The following EYS variants were observed in gnomAD, a reference collection of about 807,000 sequenced individuals.
EYS encodes the protein protein eyes shut homolog.
EYS carries 250 observed loss-of-function variants against 282.1 expected under a neutral mutation model. The observed-to-expected ratio is 0.89, with a 90% CI of 0.80 to 0.98. EYS has a LOEUF of 0.98. Among genes scored for constraint, EYS ranks in the 50% least tolerant of loss-of-function variants. The pLI, the probability that EYS is intolerant of heterozygous loss-of-function variation, is 0.00. For missense variants in EYS, 4,016 were observed against 3,709.0 expected (o/e 1.08, Z -2.15); for synonymous variants, 1,355 against 1,282.9 (o/e 1.06, Z -1.20).
At chr6:64,987,639 T>G (rs1262106953) in intron 14 of EYS, among the ~76,000 whole-genome samples, 1 of 151,468 alleles carries the variant, frequency 6.6e-6, no homozygotes, top group African/African-American at 2.4e-5. Flanking sequence ...GCATGACTTG[T>G]GCTGTATATT....
intron 11 of EYS, chr6:65,334,766 TTCCC>T: frequency 1.9e-6 from 1 of 526,690 alleles, no homozygotes; most frequent in Non-Finnish European, 3.3e-6. Flanking sequence ...ATATTCCTTC[TTCCC>T]TCCTTTTATT....
At chr6:65,390,534 G>A (rs2102194) in intron 7 of EYS, among the ~76,000 whole-genome samples, 2 of 151,506 alleles carry the variant, frequency 1.3e-5, no homozygotes, top group South Asian at 4.2e-4. Context: ...CAACTCAGAA[G>A]GCTACAAGAA....
chr6:65,631,980 A>C (rs368138229), intron 2 of EYS, among the ~76,000 whole-genome samples: 1 of 152,258 alleles, frequency 6.6e-6, no homozygotes, highest in East Asian at 1.9e-4. Context: ...AACTTCTCCT[A>C]CTTTATATAT....
chr6:64,386,298 T>A (rs1375140278), intron 29 of EYS, among the ~76,000 whole-genome samples: 1 of 152,188 alleles, frequency 6.6e-6, no homozygotes, highest in Non-Finnish European at 1.5e-5. Context: ...GGGTAATTGA[T>A]AAAGGAAAGA....
At chr6:64,712,571 T>G (rs1395609935) in intron 22 of EYS, among the ~76,000 whole-genome samples, 1 of 152,222 alleles carries the variant, frequency 6.6e-6, no homozygotes, top group Non-Finnish European at 1.5e-5. Flanking sequence ...GAGGAATTAA[T>G]GTTCTGGAAG....
intron 26 of EYS, among the ~76,000 whole-genome samples, chr6:64,482,158 G>C (rs1776454712): frequency 6.6e-6 from 1 of 151,516 alleles, no homozygotes. Flanking sequence ...AAAATAAATT[G>C]CTTTTTTTCT....
chr6:65,164,811 T>C (rs1764933745), intron 12 of EYS, among the ~76,000 whole-genome samples: 1 of 151,258 alleles, frequency 6.6e-6, no homozygotes, highest in Admixed American at 6.6e-5. Flanking sequence ...GCAATATTCA[T>C]CACTCATTGA....
intron 30 of EYS, among the ~76,000 whole-genome samples, chr6:64,297,028 A>G (rs1339366343): frequency 6.6e-6 from 1 of 152,200 alleles, no homozygotes; most frequent in Admixed American, 6.5e-5. Context: ...TTAAAACAGT[A>G]GCATGCACAC....
chr6:64,526,385 G>A (rs994114932), intron 26 of EYS, among the ~76,000 whole-genome samples: 4 of 151,770 alleles, frequency 2.6e-5, no homozygotes, highest in Non-Finnish European at 3.0e-5. Flanking sequence ...TTACAATTGT[G>A]TGTGAATCAC....
intron 12 of EYS, among the ~76,000 whole-genome samples, chr6:65,119,630 C>CTT (rs3036008): frequency 0.2 from 27,000 of 135,178 alleles, 3,102 homozygotes; most frequent in South Asian, 0.26. Flanking sequence ...GCCTTTTTAT[C>CTT]TTTTTTTTTT....
chr6:64,394,496 T>A (rs1010700676), intron 28 of EYS, among the ~76,000 whole-genome samples: 7 of 152,182 alleles, frequency 4.6e-5, no homozygotes, highest in Non-Finnish European at 1.0e-4. Context: ...AACTATCTGA[T>A]CTTTGACAAA....
chr6:64,820,839 T>C (rs538588168), intron 21 of EYS, among the ~76,000 whole-genome samples: 2 of 152,236 alleles, frequency 1.3e-5, no homozygotes, highest in Non-Finnish European at 2.9e-5. Flanking sequence ...AGTTACTGTG[T>C]TTCATGTACA....
At chr6:65,053,155 G>A (rs16896178) in intron 13 of EYS, among the ~76,000 whole-genome samples, 14,059 of 151,342 alleles carry the variant, frequency 0.093, 940 homozygotes, top group East Asian at 0.19. Flanking sequence ...TTCCCTTTTC[G>A]GACAAATACC....
intron 1 of EYS, among the ~76,000 whole-genome samples, chr6:65,676,836 C>T (rs1295038185): frequency 1.3e-5 from 2 of 151,478 alleles, no homozygotes; most frequent in East Asian, 3.9e-4. Context: ...TCAGTAGTAT[C>T]TTAATAGAAT....
chr6:64,673,762 C>T (rs890723098), intron 22 of EYS, among the ~76,000 whole-genome samples: 4 of 152,050 alleles, frequency 2.6e-5, no homozygotes, highest in African/African-American at 9.7e-5. Flanking sequence ...ACAGTACCTA[C>T]AGACAACTAA....
chr6:64,115,232 T>A (rs1773337678), intron 31 of EYS, among the ~76,000 whole-genome samples: 1 of 152,168 alleles, frequency 6.6e-6, no homozygotes, highest in Non-Finnish European at 1.5e-5. Context: ...CTGTGCTTCA[T>A]GCACCAATGC....
intron 12 of EYS, among the ~76,000 whole-genome samples, chr6:65,100,832 G>C (rs143576718): frequency 0.022 from 3,287 of 150,722 alleles, 39 homozygotes; most frequent in African/African-American, 0.028. Context: ...ATACATGAAA[G>C]CTGACAAGAG....
intron 12 of EYS, among the ~76,000 whole-genome samples, chr6:65,177,369 T>C (rs1235378384): frequency 1.3e-5 from 2 of 151,846 alleles, no homozygotes; most frequent in East Asian, 3.9e-4. Flanking sequence ...CGAAATAAAA[T>C]GGGCATTATG....
chr6:65,656,464 G>T (rs1172378992), intron 1 of EYS, among the ~76,000 whole-genome samples: 3 of 151,830 alleles, frequency 2.0e-5, no homozygotes, highest in Non-Finnish European at 4.4e-5. Flanking sequence ...CAGGCTTATG[G>T]CTGTGTGATC....
Sources: allele counts gnomAD v4.1 joint callset (sites outside exome capture counted in the v4.1 genomes callset), GRCh38; gene constraint gnomAD v4.1.1; transcripts MANE v1.5; gene names NCBI Gene and HGNC (gene_info 2026-07-23, HGNC 2026-07-21).